Variants in CST8 observed in about 807,000 individuals in gnomAD.
CST8 encodes cystatin-8.
A neutral mutation model predicts 11.8 loss-of-function variants in CST8; 20 were observed. The observed-to-expected ratio is 1.70, with a 90% CI of 1.20 to 2.47. The LOEUF (loss-of-function observed/expected upper bound fraction) is 2.47, where lower values mean the gene tolerates loss of function less well. CST8 is among the 30% of genes most tolerant of loss of function. CST8 has a pLI of 0.00. For synonymous variants in CST8, 77 were observed against 63.1 expected, an observed-to-expected ratio of 1.22 and a Z score of -1.05; for missense variants, 196 against 167.2, an observed-to-expected ratio of 1.17 and a Z score of -0.95.
At chr20:23,504,091 G>A in the CST8 span, among the ~76,000 whole-genome samples, 1 of 152,208 alleles carries the variant, frequency 6.6e-6, no homozygotes, top group African/African-American at 2.4e-5. Context: ...AGGAATGTGA[G>A]TCCCCTTTAA....
At chr20:23,494,198 C>T (rs1987973981) in intron 3 of CST8, among the ~76,000 whole-genome samples, 2 of 152,122 alleles carry the variant, frequency 1.3e-5, no homozygotes, top group Admixed American at 6.5e-5. Context: ...TTATCTTTTA[C>T]TGGTATTAGG....
At chr20:23,495,293 G>A (rs1222268664) in intron 3 of CST8, among the ~76,000 whole-genome samples, 5 of 151,980 alleles carry the variant, frequency 3.3e-5, no homozygotes, top group African/African-American at 7.3e-5. Flanking sequence ...ATGTGTCTTC[G>A]TGGTAGAACA....
At chr20:23,501,408 T>C in the CST8 span, among the ~76,000 whole-genome samples, 1 of 152,372 alleles carries the variant, frequency 6.6e-6, no homozygotes, top group South Asian at 2.1e-4. Context: ...GTTTGTCCGA[T>C]GGATTCAGGG....
chr20:23,504,590 GAT>G, the CST8 span, among the ~76,000 whole-genome samples: 6 of 152,082 alleles, frequency 3.9e-5, no homozygotes, highest in Admixed American at 6.5e-5. Context: ...TTTATTTATA[GAT>G]ATAAATGTTT....
chr20:23,496,572 G>T (rs1462257382), downstream of CST8, among the ~76,000 whole-genome samples: 1 of 152,186 alleles, frequency 6.6e-6, no homozygotes, highest in Non-Finnish European at 1.5e-5. Context: ...TTTCAGGCAC[G>T]CATTGTCATT....
chr20:23,494,340 T>G (rs1463597223), intron 3 of CST8, among the ~76,000 whole-genome samples: 1 of 152,230 alleles, frequency 6.6e-6, no homozygotes. Flanking sequence ...CACTTGTGTC[T>G]AAGATTTCCA....
At chr20:23,494,195 T>C (rs1987973775) in intron 3 of CST8, among the ~76,000 whole-genome samples, 1 of 152,204 alleles carries the variant, frequency 6.6e-6, no homozygotes, top group Non-Finnish European at 1.5e-5. Flanking sequence ...GTTTTATCTT[T>C]TACTGGTATT....
intron 3 of CST8, 144 bp from the exon 4 acceptor site, chr20:23,495,687 A>G: frequency 1.5e-6 from 1 of 646,362 alleles, no homozygotes; most frequent in East Asian, 2.8e-5. Flanking sequence ...AGCTCTGCAG[A>G]TTCCTGGGAG....
At position 23,493,061 on chromosome 20, in the gene CST8, A is replaced by G; in HGVS notation, c.335A>G (p.Lys112Arg). 6.2e-7 allele frequency: 1 copy of G among 1,602,068 alleles called. No individual in the cohort carries two copies. The highest frequency in any genetic ancestry group is 8.6e-7 in the Non-Finnish European group (1 of 1,169,270). Residue 112 changes from lysine (K) to arginine (R), a missense_variant, in exon 3 of 4, where the codon AAG (lysine) becomes AGG (arginine). By Grantham distance (26) the Lys-to-Arg change is conservative (BLOSUM62 2). Transcript: ENST00000246012. Reference sequence around the variant, plus strand: ...ATCTGCGCCATTCAAGAAAACTCCAAGCTGAAAAGGGTAGGTGATGAACCA... The same window carrying G: ...ATCTGCGCCATTCAAGAAAACTCCAGGCTGAAAAGGGTAGGTGATGAACCA... ...NEICAIQENS[K>R]LKRKLSCSFL...
intron 3 of CST8, among the ~76,000 whole-genome samples, chr20:23,495,030 G>T (rs541826052): frequency 1.1e-4 from 16 of 152,188 alleles, no homozygotes; most frequent in African/African-American, 3.6e-4. Context: ...TGTTCTCATT[G>T]TTTAGCTCTC....
chr20:23,500,005 G>C (rs1461837566), downstream of CST8, among the ~76,000 whole-genome samples: 1 of 151,112 alleles, frequency 6.6e-6, no homozygotes, highest in Non-Finnish European at 1.5e-5. Context: ...AGGGTAGGAG[G>C]GAGAGAGAGA....
intron 3 of CST8, among the ~76,000 whole-genome samples, chr20:23,494,471 G>A (rs1987982727): frequency 6.6e-6 from 1 of 152,144 alleles, no homozygotes. Context: ...TGCCTGTAAA[G>A]TCATCTTGAT....
chr20:23,504,013 A>C, the CST8 span, among the ~76,000 whole-genome samples: 24 of 152,266 alleles, frequency 1.6e-4, no homozygotes, highest in Non-Finnish European at 2.8e-4. Context: ...ATTGGAGACC[A>C]TGAGGACAGA....
At chr20:23,499,994 A>G (rs1250483212), downstream of CST8, among the ~76,000 whole-genome samples, 2 of 151,060 alleles carry the variant, frequency 1.3e-5, no homozygotes, top group African/African-American at 4.9e-5. Flanking sequence ...GAGAAAGGGG[A>G]AGGGTAGGAG....
At position 23,495,829 on chromosome 20, in the gene CST8, A is replaced by T; in HGVS notation, c.346-2A>T. The T allele has an allele frequency of 6.3e-7, 1 of 1,574,862 alleles. No individual in the cohort carries two copies. The highest frequency in any genetic ancestry group is 8.6e-7 in the Non-Finnish European group (1 of 1,165,620). On this transcript the variant is annotated splice_acceptor_variant, in intron 3 of 3. Transcript: ENST00000246012. LOFTEE classifies it high-confidence loss of function. ...AATTTTTGTTGTTGTCATCTTTTTCAGAAATTAAGCTGCAGCTTTTTGGTA... is the reference window on the plus strand; with the variant it reads ...AATTTTTGTTGTTGTCATCTTTTTCTGAAATTAAGCTGCAGCTTTTTGGTA...
At chr20:23,506,273 C>T in the CST8 span, among the ~76,000 whole-genome samples, 42 of 152,230 alleles carry the variant, frequency 2.8e-4, no homozygotes, top group African/African-American at 6.0e-4. Flanking sequence ...CATGCCTATG[C>T]GAGGACACCA....
downstream of CST8, among the ~76,000 whole-genome samples, chr20:23,497,039 A>C (rs370118511): frequency 2.6e-3 from 395 of 152,342 alleles, 1 homozygote; most frequent in African/African-American, 9.1e-3. Context: ...CTGAGGCAAC[A>C]TACATCCTCC....
chr20:23,505,091 G>T, the CST8 span, among the ~76,000 whole-genome samples: 3 of 150,742 alleles, frequency 2.0e-5, no homozygotes, highest in African/African-American at 7.4e-5. Flanking sequence ...TGACCGTAAC[G>T]CACCCCTAGA....
At chr20:23,495,785 T>C (rs925474386) in intron 3 of CST8, 46 bp from the exon 4 acceptor site, 14 of 1,295,298 alleles carry the variant, frequency 1.1e-5, no homozygotes, top group Middle Eastern at 1.9e-4. Flanking sequence ...CTTTTTTTTT[T>C]TTTTTTTGGC....
Sources: gnomAD v4.1 joint callset for allele counts (sites outside exome capture counted in the v4.1 genomes callset) on GRCh38, gnomAD v4.1.1 for gene constraint, MANE v1.5 for transcripts, NCBI Gene and HGNC (gene_info 2026-07-23, HGNC 2026-07-21) for gene names.